BCAS3: variants seen among roughly 807,000 people sequenced by gnomAD.
BCAS3 encodes BCAS3 microtubule associated cell migration factor.
A neutral mutation model predicts 116.1 loss-of-function variants in BCAS3; 53 were observed. The observed-to-expected ratio is 0.46, with a 90% confidence interval of 0.37 to 0.57. The LOEUF (loss-of-function observed/expected upper bound fraction) is 0.57, where lower values mean the gene tolerates loss of function less well. Ranked by LOEUF, BCAS3 falls within the 20% of genes least tolerant of loss-of-function variation. The probability of loss-of-function intolerance (pLI) is 0.00; values close to 1 mark genes in which losing one functional copy is unlikely to be tolerated. For synonymous variants in BCAS3, 391 were observed against 408.2 expected (o/e 0.96, Z 0.51); for missense variants, 917 against 1,165.4 (o/e 0.79, Z 3.10).
intron 22 of BCAS3, among the ~76,000 whole-genome samples, chr17:61,269,896 C>G (rs373899012): frequency 6.6e-6 from 1 of 151,564 alleles, no homozygotes; most frequent in Non-Finnish European, 1.5e-5. Context: ...CTCCGCCTCC[C>G]GGGTTCAAAC....
At chr17:60,909,994 A>T (rs1397622232) in intron 11 of BCAS3, among the ~76,000 whole-genome samples, 1 of 152,178 alleles carries the variant, frequency 6.6e-6, no homozygotes, top group African/African-American at 2.4e-5. Flanking sequence ...TGTTTTCCAT[A>T]TGCCAAATCT....
At chr17:60,929,676 G>A (rs898375436) in intron 13 of BCAS3, among the ~76,000 whole-genome samples, 6 of 148,402 alleles carry the variant, frequency 4.0e-5, no homozygotes, top group East Asian at 4.0e-4. Context: ...CCATTAACTC[G>A]TCATTTAGCA....
chr17:61,119,405 T>C (rs1030745443), intron 22 of BCAS3, among the ~76,000 whole-genome samples: 3 of 152,174 alleles, frequency 2.0e-5, no homozygotes, highest in Non-Finnish European at 4.4e-5. Context: ...TTGTAATGTA[T>C]AGTATTTGTT....
In BCAS3 at chr17:61,145,115, C is replaced by T. The variant is rs528442874; in HGVS notation, c.2425+60551C>T. Among the ~76,000 whole-genome samples the T allele has an allele frequency of 3.3e-5, 5 of 152,284 alleles. No individual in the cohort carries two copies. In the East Asian group the frequency reaches 7.7e-4, roughly 24 times the overall value. On this transcript the variant is annotated intron_variant, in intron 22 of 23. Transcript: ENST00000407086. The surrounding 1 kb of genome is among the most constrained non-coding windows in gnomAD (Gnocchi z 5.0). ...GAGATGCAACTTTGGCTCGCCTCAC[C>T]GGCAGTAATTTAATTTTTCCTTCAT...
chr17:60,705,858 T>C (rs975620167), intron 4 of BCAS3, among the ~76,000 whole-genome samples: 2 of 152,162 alleles, frequency 1.3e-5, no homozygotes. Context: ...GGATTGGTAC[T>C]GTATAGAAAC....
chr17:61,332,134 G>T lies in BCAS3; in HGVS notation c.2426-36193G>T, dbSNP rs1296208714. Among the ~76,000 whole-genome samples the T allele has an allele frequency of 2.0e-5, 3 of 152,192 alleles. No individual in the cohort carries two copies. Among genetic ancestry groups the T allele is most frequent in the African/African-American group, 7.2e-5 (3 of 41,448 alleles). On this transcript the variant is annotated intron_variant, in intron 22 of 23. Transcript: ENST00000407086. The surrounding 1 kb of genome is among the most constrained non-coding windows in gnomAD (Gnocchi z 5.4). ...TTGCCACCCAGCCCGCCGGGCTCTG[G>T]AGCTGGGCCACGGGCTCCTCTCTCT...
At chr17:60,977,473 T>C (rs2145380042) in intron 14 of BCAS3, among the ~76,000 whole-genome samples, 1 of 151,814 alleles carries the variant, frequency 6.6e-6, no homozygotes, top group African/African-American at 2.4e-5. Context: ...CCATTGCATT[T>C]GGCGGAAGCA....
chr17:61,375,569 CTTTTTT>C (rs909845597), intron 23 of BCAS3, among the ~76,000 whole-genome samples: 1 of 136,566 alleles, frequency 7.3e-6, no homozygotes, highest in Non-Finnish European at 1.6e-5. Flanking sequence ...TGTTAATTAT[CTTTTTT>C]TTTTTTTTTT....
intron 22 of BCAS3, among the ~76,000 whole-genome samples, chr17:61,149,181 T>A (rs914372066): frequency 1.3e-5 from 2 of 152,076 alleles, no homozygotes; most frequent in Admixed American, 6.6e-5. Context: ...CTACTAAATA[T>A]TTAATCACTT....
At chr17:61,137,770 A>C (rs8075237) in intron 22 of BCAS3, among the ~76,000 whole-genome samples, 2,888 of 152,322 alleles carry the variant, frequency 0.019, 97 homozygotes, top group African/African-American at 0.065. Flanking sequence ...CCATCTCAAA[A>C]AGAAAAACAA....
At chr17:61,334,664 C>CAAAAAAAAAAAAA (rs35400660) in intron 22 of BCAS3, among the ~76,000 whole-genome samples, 1 of 50,892 alleles carries the variant, frequency 2.0e-5, no homozygotes, top group Non-Finnish European at 3.9e-5. Flanking sequence ...AACTCCATCT[C>CAAAAAAAAAAAAA]AAAAAAAAAA....
rs533119400 is a variant in BCAS3 at position 61,315,845 on chromosome 17, A to G, written c.2426-52482A>G. ...CTCCCCTGCAGTAGCACACCTCTGC[A>G]CAGCTTTCCTCTTTACTCCTAGCCA... On this transcript the variant is annotated intron_variant, in intron 22 of 23. Transcript: ENST00000407086. This position sits in a 1 kb window ranked among gnomAD's most constrained non-coding sequence, Gnocchi z 5.3. 1.9e-4 allele frequency among the ~76,000 whole-genome samples: 29 copies of G among 152,212 alleles called. No homozygotes were observed. The highest frequency in any genetic ancestry group is 3.2e-4 in the Non-Finnish European group (22 of 68,008).
chr17:61,005,769 T>TA (rs1568098400), intron 15 of BCAS3, among the ~76,000 whole-genome samples: 1 of 151,418 alleles, frequency 6.6e-6, no homozygotes, highest in African/African-American at 2.4e-5. Flanking sequence ...TTTTTTTTTT[T>TA]AGGAAAAAAT....
intron 7 of BCAS3, among the ~76,000 whole-genome samples, chr17:60,861,035 T>G (rs936526938): frequency 1.3e-5 from 2 of 152,126 alleles, no homozygotes; most frequent in Non-Finnish European, 2.9e-5. Flanking sequence ...AAAAATGCCT[T>G]TGGTAGTTTG....
chr17:61,290,415 A>T (rs1474667787), intron 22 of BCAS3, among the ~76,000 whole-genome samples: 1 of 152,238 alleles, frequency 6.6e-6, no homozygotes, highest in South Asian at 2.1e-4. Context: ...GGGGTTTATT[A>T]TACCATTCTC....
At chr17:61,160,980 T>G (rs1463481626) in intron 22 of BCAS3, among the ~76,000 whole-genome samples, 1 of 152,176 alleles carries the variant, frequency 6.6e-6, no homozygotes, top group Admixed American at 6.5e-5. Flanking sequence ...CCACTGACTT[T>G]GATAAAGTGG....
intron 9 of BCAS3, among the ~76,000 whole-genome samples, chr17:60,880,568 G>A (rs944033964): frequency 2.6e-5 from 4 of 152,160 alleles, no homozygotes; most frequent in Non-Finnish European, 4.4e-5. Context: ...GATTACAGGC[G>A]TGAGCCACCG....
rs1259187890 is a variant in BCAS3, at chr17:61,227,046, G to T, written c.2426-141281G>T. 6.6e-6 allele frequency among the ~76,000 whole-genome samples: 1 copy of T among 152,196 alleles called. No homozygotes were observed. The highest frequency in any genetic ancestry group is 2.4e-5 in the African/African-American group (1 of 41,444). On this transcript the variant is annotated intron_variant, in intron 22 of 23. Transcript: ENST00000407086. This position sits in a 1 kb window ranked among gnomAD's most constrained non-coding sequence, Gnocchi z 6.1. ...AGAGGAGTTCCAGGTTGGGGTGTAT[G>T]AGGTGGTTAACTGTGTGCAACGCCC... is the stretch of plus-strand genomic sequence containing the variant.
Position 61,392,438 on chromosome 17 carries a change from GT to G in BCAS3, c.*314del, listed in dbSNP as rs2060178625. On this transcript the variant is annotated 3_prime_UTR_variant, in exon 24 of 24. Transcript: ENST00000407086. The surrounding 1 kb of genome is among the most constrained non-coding windows in gnomAD (Gnocchi z 6.4). ...TTTGTATTTTTTAACCATACCCACG[GT>G]GGGGCGGGTGGGGGGAGCCTGGAAC... 4.6e-6 allele frequency: 1 copy of G among 219,218 alleles called. No individual in the cohort carries two copies. Among genetic ancestry groups the G allele is most frequent in the Non-Finnish European group, 9.0e-6 (1 of 110,938 alleles). 13.6% of individuals were successfully genotyped at this position (219,218 alleles called of 1,614,324 possible).
Sources: allele counts gnomAD v4.1 joint callset (sites outside exome capture counted in the v4.1 genomes callset), GRCh38; gene constraint gnomAD v4.1.1; non-coding constraint Gnocchi (gnomAD v3.1); transcripts MANE v1.5; gene names NCBI Gene and HGNC (gene_info 2026-07-23, HGNC 2026-07-21).